The following ZBTB2 variants were observed in gnomAD, a reference collection of about 807,000 sequenced individuals.
ZBTB2 encodes the protein zinc finger and BTB domain containing 2, also known as zinc finger and BTB domain-containing protein 2.
ZBTB2 carries 2 observed loss-of-function variants against 39.5 expected under a neutral mutation model. That is an observed-to-expected ratio of 0.05 (90% CI 0.02 to 0.16). The LOEUF is 0.16. ZBTB2 is among the 10% of genes least tolerant of loss of function. ZBTB2 has a pLI of 1.00. For synonymous variants in ZBTB2, 251 were observed against 256.6 expected, an observed-to-expected ratio of 0.98 and a Z score of 0.21; for missense variants, 391 against 653.0, an observed-to-expected ratio of 0.60 and a Z score of 4.37.
At chr6:151,374,517 T>G (rs1474602869) in intron 1 of ZBTB2, among the ~76,000 whole-genome samples, 1 of 152,172 alleles carries the variant, frequency 6.6e-6, no homozygotes, top group African/African-American at 2.4e-5. Flanking sequence ...AAATCACTAG[T>G]CTGCTCCTTT....
At chr6:151,387,508 T>G (rs571393972) in intron 1 of ZBTB2, among the ~76,000 whole-genome samples, 1 of 152,108 alleles carries the variant, frequency 6.6e-6, no homozygotes, top group Non-Finnish European at 1.5e-5. Flanking sequence ...CAGAATCACT[T>G]TGGGGACTCA....
Position 151,379,854 on chromosome 6 carries a change from G to A in ZBTB2, c.-12-6205C>T, listed in dbSNP as rs182760798. On this transcript the variant is annotated intron_variant, in intron 1 of 2. Coordinates refer to ENST00000325144, the MANE Select transcript of ZBTB2 (RefSeq NM_020861.3). ...GAGGTTTTGGTTTTTACATGAATGG[G>A]TGTATATTATTTCCTTCAATATAGC... 1.2e-3 allele frequency among the ~76,000 whole-genome samples: 186 copies of A among 152,060 alleles called. 3 individuals carry two copies. The highest frequency in any genetic ancestry group is 1.6e-4 in the Non-Finnish European group (11 of 67,982).
chr6:151,380,438 C>T (rs986624604), intron 1 of ZBTB2, among the ~76,000 whole-genome samples: 3 of 152,218 alleles, frequency 2.0e-5, no homozygotes, highest in African/African-American at 7.2e-5. Flanking sequence ...CCTTCATACT[C>T]ATTTCCATGA....
chr6:151,378,001 T>A (rs940048064), intron 1 of ZBTB2: 3 of 152,110 alleles, frequency 2.0e-5, no homozygotes, highest in Non-Finnish European at 2.9e-5. Flanking sequence ...TTATTTATTT[T>A]TAGACTAGTC....
At chr6:151,387,537 C>A (rs1042106916) in intron 1 of ZBTB2, among the ~76,000 whole-genome samples, 1 of 152,152 alleles carries the variant, frequency 6.6e-6, no homozygotes, top group Non-Finnish European at 1.5e-5. Flanking sequence ...AAATGACTCT[C>A]CCGGTGCAGG....
chr6:151,380,693 G>A (rs1418442338), intron 1 of ZBTB2, among the ~76,000 whole-genome samples: 2 of 152,146 alleles, frequency 1.3e-5, no homozygotes, highest in Non-Finnish European at 2.9e-5. Context: ...TTTGGTCTCT[G>A]GTTTTCAGGC....
intron 1 of ZBTB2, among the ~76,000 whole-genome samples, chr6:151,374,154 G>A (rs574124695): frequency 2.6e-4 from 39 of 152,278 alleles, no homozygotes; most frequent in African/African-American, 9.4e-4. Flanking sequence ...GTGTTGGGGC[G>A]GGGTCCCAGC....
intron 1 of ZBTB2, among the ~76,000 whole-genome samples, chr6:151,383,209 C>A (rs576848023): frequency 2.0e-5 from 3 of 152,104 alleles, no homozygotes; most frequent in Non-Finnish European, 4.4e-5. Context: ...CGTGAGCCAC[C>A]GCACCAGGCC....
At chr6:151,386,952 C>A (rs1779170463) in intron 1 of ZBTB2, among the ~76,000 whole-genome samples, 1 of 152,056 alleles carries the variant, frequency 6.6e-6, no homozygotes, top group Non-Finnish European at 1.5e-5. Context: ...TCTAAAATAA[C>A]AAAGTGGTGT....
At chr6:151,387,070 A>G (rs1366076245) in intron 1 of ZBTB2, among the ~76,000 whole-genome samples, 1 of 152,130 alleles carries the variant, frequency 6.6e-6, no homozygotes, top group Non-Finnish European at 1.5e-5. Flanking sequence ...AGCCTCACCC[A>G]CCTATGTAGT....
At chr6:151,367,872 C>G (rs1279366106) in intron 2 of ZBTB2, among the ~76,000 whole-genome samples, 2 of 152,162 alleles carry the variant, frequency 1.3e-5, no homozygotes, top group Non-Finnish European at 2.9e-5. Context: ...CCTGATCAAG[C>G]AGTAATAATG....
chr6:151,390,260 A>G (rs1430907644), intron 1 of ZBTB2, among the ~76,000 whole-genome samples: 2 of 147,326 alleles, frequency 1.4e-5, no homozygotes, highest in African/African-American at 2.5e-5. Flanking sequence ...GCGCGCCGCA[A>G]CAGCCACCTC....
intron 1 of ZBTB2, among the ~76,000 whole-genome samples, chr6:151,385,902 A>C (rs1488021535): frequency 6.6e-6 from 1 of 152,198 alleles, no homozygotes; most frequent in Admixed American, 6.5e-5. Context: ...AGTTGTGATA[A>C]TGGAGTGGCA....
intron 1 of ZBTB2, among the ~76,000 whole-genome samples, chr6:151,386,722 T>C (rs1337010032): frequency 6.6e-6 from 1 of 152,238 alleles, no homozygotes; most frequent in Non-Finnish European, 1.5e-5. Flanking sequence ...CTTAATAATA[T>C]GTTTCAATAT....
At chr6:151,374,458 C>T (rs1238765402) in intron 1 of ZBTB2, among the ~76,000 whole-genome samples, 2 of 152,152 alleles carry the variant, frequency 1.3e-5, no homozygotes, top group Non-Finnish European at 2.9e-5. Context: ...ACCCCGCTGG[C>T]CTGAGTCTAT....
At chr6:151,376,749 T>C (rs796799758) in intron 1 of ZBTB2, among the ~76,000 whole-genome samples, 4 of 152,288 alleles carry the variant, frequency 2.6e-5, no homozygotes, top group African/African-American at 9.6e-5. Flanking sequence ...CTGGTAGGAA[T>C]GTAAAATGGT....
intron 1 of ZBTB2, among the ~76,000 whole-genome samples, chr6:151,379,915 T>C (rs1276708334): frequency 6.6e-6 from 1 of 152,114 alleles, no homozygotes; most frequent in Non-Finnish European, 1.5e-5. Context: ...ACAAACGGAC[T>C]AACATAAGCA....
At chr6:151,372,026 G>A (rs1778798696) in intron 2 of ZBTB2, among the ~76,000 whole-genome samples, 1 of 152,178 alleles carries the variant, frequency 6.6e-6, no homozygotes, top group Admixed American at 6.5e-5. Context: ...TGGGAATAGA[G>A]TTCTGGAGAC....
At chr6:151,368,093 G>A (rs1778688780) in intron 2 of ZBTB2, among the ~76,000 whole-genome samples, 1 of 152,096 alleles carries the variant, frequency 6.6e-6, no homozygotes, top group Admixed American at 6.5e-5. Context: ...TTTTTGTATT[G>A]TAATCTTCTT....
Sources: allele counts gnomAD v4.1 joint callset (sites outside exome capture counted in the v4.1 genomes callset), GRCh38; gene constraint gnomAD v4.1.1; transcripts MANE v1.5; gene names NCBI Gene and HGNC (gene_info 2026-07-23, HGNC 2026-07-21).